The following IFI16 variants were observed in gnomAD, a reference collection of about 807,000 sequenced individuals.
The protein encoded by IFI16 is gamma-interferon-inducible protein 16.
A neutral mutation model predicts 68.4 loss-of-function variants in IFI16; 49 were observed. That is an observed-to-expected ratio of 0.72 (90% confidence interval 0.57 to 0.91). The LOEUF is 0.91. IFI16 is among the 40% of genes least tolerant of loss of function. The pLI is 0.00. For synonymous variants in IFI16, 307 were observed against 315.0 expected (o/e 0.97, Z 0.27); for missense variants, 878 against 942.9 (o/e 0.93, Z 0.90).
Position 159,018,490 on chromosome 1 carries a change from C to A in IFI16, c.811C>A (p.Leu271Ile). The change falls in exon 5 of 12, where the codon CTA (leucine) becomes ATA (isoleucine). Residue 271 changes from leucine to isoleucine, a missense_variant. Physicochemically the swap from Leu to Ile is conservative, Grantham distance 5. Transcript: ENST00000295809. ...AGATTATTTGGAATATGATAGTCTC[C>A]TAGAGGTCAATGAAGAATCTACTGT... The part of the protein sequence containing the change: ...ISDYLEYDSL[L>I]EVNEESTVSE... 2 of 1,613,910 alleles carry A rather than the reference C, an allele frequency of 1.2e-6. No homozygotes were observed. The highest frequency in any genetic ancestry group is 1.7e-6 in the Non-Finnish European group (2 of 1,179,836).
At chr1:159,048,811 A>G (rs1352237749) in intron 8 of IFI16, among the ~76,000 whole-genome samples, 2 of 151,622 alleles carry the variant, frequency 1.3e-5, no homozygotes, top group African/African-American at 4.8e-5. Flanking sequence ...TGAAAAATGT[A>G]TAAAAATATA....
At chr1:159,035,281 G>T (rs142381173) in intron 7 of IFI16, among the ~76,000 whole-genome samples, 1 of 152,196 alleles carries the variant, frequency 6.6e-6, no homozygotes, top group East Asian at 1.9e-4. Context: ...TTGCCATCTT[G>T]GCACAGGTGG....
Position 159,053,632 on chromosome 1 carries a change from G to A in IFI16, c.2185G>A (p.Glu729Lys), listed in dbSNP as rs202216559. The part of the protein sequence containing the change: ...HGRLTTINCE[E>K]GDKLKLTCFE... ...ACGACTGACCACAATCAACTGTGAG[G>A]AAGGAGATAAACTGAAACTCACCTG... The change falls in exon 11 of 12, where the codon GAA becomes AAA. Residue 729 changes from glutamate (E) to lysine (K), a missense_variant. Glu to Lys is a moderately conservative substitution (Grantham distance 56). Coordinates refer to ENST00000295809, the MANE Select transcript of IFI16 (RefSeq NM_001376587.1). 1.7e-4 allele frequency: 282 copies of A among 1,613,872 alleles called. No individual in the cohort carries two copies. The highest frequency in any genetic ancestry group is 5.2e-4 in the Admixed American group (31 of 59,994).
At chr1:159,030,161 T>A (rs907613973) in intron 6 of IFI16, among the ~76,000 whole-genome samples, 27 of 134,358 alleles carry the variant, frequency 2.0e-4, no homozygotes, top group African/African-American at 9.4e-4. Context: ...GATTTTTTTT[T>A]ATGCTCTCTA....
intron 11 of IFI16, among the ~76,000 whole-genome samples, chr1:159,054,504 C>T (rs993115784): frequency 5.3e-5 from 8 of 151,798 alleles, no homozygotes; most frequent in Non-Finnish European, 1.2e-4. Context: ...CAATGAAAAC[C>T]CTCTCCTCAA....
chr1:159,000,832 A>ATGGC (rs758179104), intron 1 of IFI16, among the ~76,000 whole-genome samples: 1 of 152,124 alleles, frequency 6.6e-6, no homozygotes, highest in Non-Finnish European at 1.5e-5. Context: ...TCCCTCATGA[A>ATGGC]TGGCTCAGTG....
intron 9 of IFI16, among the ~76,000 whole-genome samples, chr1:159,050,076 T>C (rs914829052): frequency 3.3e-5 from 5 of 152,254 alleles, no homozygotes; most frequent in African/African-American, 4.8e-5. Context: ...TCTGATTTTA[T>C]ACCTTTCAGT....
upstream of IFI16, among the ~76,000 whole-genome samples, chr1:159,003,061 T>A (rs1289074994): frequency 6.6e-6 from 1 of 152,250 alleles, no homozygotes; most frequent in African/African-American, 2.4e-5. Flanking sequence ...CAAGGCATTA[T>A]GCCAAATATA....
intron 1 of IFI16, among the ~76,000 whole-genome samples, chr1:159,012,555 C>T (rs749053906): frequency 6.6e-6 from 1 of 152,208 alleles, no homozygotes; most frequent in Non-Finnish European, 1.5e-5. Flanking sequence ...TGCTGTCACA[C>T]TTGTTGGAAA....
upstream of IFI16, among the ~76,000 whole-genome samples, chr1:159,004,787 A>G (rs1224642653): frequency 6.6e-6 from 1 of 152,256 alleles, no homozygotes; most frequent in African/African-American, 2.4e-5. Flanking sequence ...GATAAATTAT[A>G]TCAAGGGAAA....
rs1425349668 is a variant in IFI16 at position 159,015,928 on chromosome 1, G to T, written c.322G>T (p.Ala108Ser). The T allele has an allele frequency of 1.2e-6, 2 of 1,614,112 alleles. No individual in the cohort carries two copies. Among genetic ancestry groups the T allele is most frequent in the East Asian group, 4.5e-5 (2 of 44,876 alleles). Residue 108 changes from alanine (A) to serine (S), a missense_variant, in exon 3 of 12, where the codon GCA becomes TCA. By Grantham distance (99) the Ala-to-Ser change is moderately conservative. This residue lies in a region of IFI16 where 443 missense variants were observed against 421.8 expected (regional missense o/e 1.05). Coordinates refer to ENST00000295809, the MANE Select transcript of IFI16 (RefSeq NM_001376587.1). ...GAAGGAAGTGGATGCTACTTCACCT[G>T]CACCCTCCACAAGCAGCACTGTCAA... ...RKKEVDATSP[A>S]PSTSSTVKTE...
intron 6 of IFI16, among the ~76,000 whole-genome samples, chr1:159,025,326 C>T (rs1249254644): frequency 1.3e-5 from 2 of 151,140 alleles, no homozygotes; most frequent in African/African-American, 2.4e-5. Context: ...ACCCTCGGGA[C>T]TTAAAAAAAA....
chr1:159,000,758 T>C (rs1652029083), intron 1 of IFI16, among the ~76,000 whole-genome samples: 1 of 152,212 alleles, frequency 6.6e-6, no homozygotes, highest in Non-Finnish European at 1.5e-5. Context: ...AATCTCATGC[T>C]GAAATGTGAT....
intron 11 of IFI16, among the ~76,000 whole-genome samples, chr1:159,054,385 A>C (rs965348223): frequency 6.6e-6 from 1 of 152,218 alleles, no homozygotes; most frequent in Non-Finnish European, 1.5e-5. Context: ...AGGCACACAC[A>C]TGCTCTCAGA....
intron 1 of IFI16, among the ~76,000 whole-genome samples, chr1:159,013,989 TGAA>T (rs1198737592): frequency 2.6e-5 from 4 of 152,120 alleles, no homozygotes; most frequent in Admixed American, 2.6e-4. Context: ...AAATCAAGTC[TGAA>T]AGAAGAAAAA....
At chr1:159,035,611 A>C (rs1020703903) in intron 7 of IFI16, among the ~76,000 whole-genome samples, 2 of 137,718 alleles carry the variant, frequency 1.5e-5, no homozygotes, top group Non-Finnish European at 3.1e-5. Context: ...CTGTAAATAC[A>C]GTTGTCTGTC....
intron 1 of IFI16, among the ~76,000 whole-genome samples, chr1:159,013,987 T>C (rs856068): frequency 0.59 from 90,250 of 152,062 alleles, 32,229 homozygotes; most frequent in Non-Finnish European, 0.77. Context: ...ACAAATCAAG[T>C]CTGAAAGAAG....
At chr1:159,018,062 A>C (rs1048138829) in intron 4 of IFI16, among the ~76,000 whole-genome samples, 167 bp from the exon 5 acceptor site, 3 of 152,236 alleles carry the variant, frequency 2.0e-5, no homozygotes, top group Admixed American at 6.5e-5. Flanking sequence ...CTATTGTACC[A>C]GTTTAAGATA....
chr1:159,025,845 G>A (rs1237771645), intron 6 of IFI16, among the ~76,000 whole-genome samples: 1 of 152,172 alleles, frequency 6.6e-6, no homozygotes, highest in African/African-American at 2.4e-5. Flanking sequence ...GTTGATTTTT[G>A]TATAAGGTGA....
Sources: gnomAD v4.1 joint callset for allele counts (sites outside exome capture counted in the v4.1 genomes callset) on GRCh38, gnomAD v4.1.1 for gene constraint, gnomAD v4.1.1 regional missense constraint, MANE v1.5 for transcripts, NCBI Gene and HGNC (gene_info 2026-07-23, HGNC 2026-07-21) for gene names.